ZDHHC23: variants seen among roughly 807,000 people sequenced by gnomAD.
ZDHHC23 encodes palmitoyltransferase ZDHHC23.
A neutral mutation model predicts 40.2 loss-of-function variants in ZDHHC23; 41 were observed. The observed-to-expected ratio is 1.02, with a 90% CI of 0.79 to 1.32. The LOEUF (loss-of-function observed/expected upper bound fraction) is 1.32. Ranked by LOEUF, ZDHHC23 falls within the 40% of genes most tolerant of loss-of-function variation. The pLI is 0.00. For synonymous variants in ZDHHC23, 204 were observed against 210.2 expected (o/e 0.97, Z 0.26); for missense variants, 471 against 541.5 (o/e 0.87, Z 1.29).
chr3:113,958,342 C>G, intron 4 of ZDHHC23, 21 bp from the exon 5 acceptor site: 1 of 1,583,868 alleles, frequency 6.3e-7, no homozygotes, highest in South Asian at 1.1e-5. Context: ...GCAGCCCTGA[C>G]AGCCTTTTTC....
At position 113,959,490 on chromosome 3, in the gene ZDHHC23, AT is replaced by A; in HGVS notation, c.*861del. On this transcript the variant is annotated 3_prime_UTR_variant, in exon 5 of 5. Coordinates refer to ENST00000638807, the MANE Select transcript of ZDHHC23 (RefSeq NM_001320466.2). The stretch of plus-strand genomic sequence containing the variant: ...TTATAAATAACTCCAACAGGCATTC[AT>A]GTGTTTTTCCTCTTCCCATGTTTCA... 7.8e-7 allele frequency: 1 copy of A among 1,275,558 alleles called. No individual in the cohort carries two copies. Among genetic ancestry groups the A allele is most frequent in the South Asian group, 1.3e-5 (1 of 79,926 alleles). 79.0% of individuals were successfully genotyped at this position (1,275,558 alleles called of 1,614,324 possible).
chr3:113,975,607 T>C, the ZDHHC23 span, among the ~76,000 whole-genome samples: 1 of 152,228 alleles, frequency 6.6e-6, no homozygotes, highest in African/African-American at 2.4e-5. Context: ...CAGTAAATTA[T>C]ATACTTTCAG....
rs1201530102 is a variant in ZDHHC23, at chr3:113,961,411, GA to G, written c.*2784del. 1 of 152,610 alleles carries G rather than the reference GA, an allele frequency of 6.6e-6. No homozygotes were observed. The highest frequency in any genetic ancestry group is 1.5e-5 in the Non-Finnish European group (1 of 68,060). 9.5% of individuals were successfully genotyped at this position (152,610 alleles called of 1,614,324 possible). A position where few individuals can be genotyped will look rare whatever the true frequency, so the allele number is the denominator to read the frequency against. On this transcript the variant is annotated 3_prime_UTR_variant, in exon 5 of 5. Transcript: ENST00000638807. ...GAAAGATTAAGGATCAGGATTGCAT[GA>G]AAGAAGAAAATCCTTCAATATTTAA...
At position 113,959,850 on chromosome 3, in the gene ZDHHC23, C is replaced by T; in HGVS notation, c.*1220C>T. 2.0e-6 allele frequency: 2 copies of T among 1,010,426 alleles called. No homozygotes were observed. The highest frequency in any genetic ancestry group is 2.4e-6 in the Non-Finnish European group (2 of 842,422). The allele number at this position is 1,010,426 out of a possible 1,614,324, so 62.6% of individuals were successfully genotyped here. A position where few individuals can be genotyped will look rare whatever the true frequency, so the allele number is the denominator to read the frequency against. On this transcript the variant is annotated 3_prime_UTR_variant, in exon 5 of 5. Transcript: ENST00000638807. ...TGTGGTTTCCACTATTAATGGATTA[C>T]TGTTCTTCCCTGGCTCTTCCGACAA...
At chr3:113,969,166 C>T (rs542008334), downstream of ZDHHC23, among the ~76,000 whole-genome samples, 12 of 152,326 alleles carry the variant, frequency 7.9e-5, no homozygotes, top group East Asian at 1.9e-3. Flanking sequence ...AGCAATCCAT[C>T]TCCATGACCC....
rs767083235 is a variant in ZDHHC23 at position 113,960,692 on chromosome 3, A to AT, written c.*2070dup. 19 of 1,605,452 alleles carry AT rather than the reference A, an allele frequency of 1.2e-5. No individual in the cohort carries two copies. Among genetic ancestry groups the AT allele is most frequent in the South Asian group, 7.8e-5 (7 of 89,602 alleles). ...TTTGGGAGAATTAGGAATGATGACA[A>AT]TTTTTTTTAACAACTTACCTCTAAT... On this transcript the variant is annotated 3_prime_UTR_variant, in exon 5 of 5. Coordinates refer to ENST00000638807, the MANE Select transcript of ZDHHC23 (RefSeq NM_001320466.2).
intron 3 of ZDHHC23, among the ~76,000 whole-genome samples, chr3:113,954,964 G>A (rs1246432036): frequency 6.6e-6 from 1 of 152,102 alleles, no homozygotes; most frequent in Non-Finnish European, 1.5e-5. Context: ...CCTGCCAGTT[G>A]GCCAGTAACA....
chr3:113,967,150 T>C (rs1185347440), downstream of ZDHHC23, among the ~76,000 whole-genome samples: 1 of 152,086 alleles, frequency 6.6e-6, no homozygotes, highest in Non-Finnish European at 1.5e-5. Flanking sequence ...ATGGATTTAC[T>C]TCATTGCTTG....
chr3:113,958,834 C>A lies in ZDHHC23; in HGVS notation c.*204C>A. ...TTATACTGAGGCAGTAAAAGTAGAG[C>A]CATTCCTTTCCAGTCACCTTTTTAA... On this transcript the variant is annotated 3_prime_UTR_variant, in exon 5 of 5. Coordinates refer to ENST00000638807, the MANE Select transcript of ZDHHC23 (RefSeq NM_001320466.2). The A allele has an allele frequency of 2.2e-6, 3 of 1,394,164 alleles. No homozygotes were observed. The highest frequency in any genetic ancestry group is 1.2e-5 in the South Asian group (1 of 82,344). The allele number at this position is 1,394,164 out of a possible 1,614,324, so 86.4% of individuals were successfully genotyped here.
At position 113,960,711 on chromosome 3, in the gene ZDHHC23, C is replaced by G. The variant is rs200004150; in HGVS notation, c.*2081C>G. On this transcript the variant is annotated 3_prime_UTR_variant, in exon 5 of 5. Coordinates refer to ENST00000638807, the MANE Select transcript of ZDHHC23 (RefSeq NM_001320466.2). ...ATGACAATTTTTTTTAACAACTTAC[C>G]TCTAATAGGGTTACTTGGATGAGCC... is the stretch of plus-strand genomic sequence containing the variant. 26 of 1,603,166 alleles carry G rather than the reference C, an allele frequency of 1.6e-5. No individual in the cohort carries two copies. The East Asian group carries it at 5.7e-4, about 35-fold the overall frequency.
chr3:113,965,314 T>C (rs1249211005), downstream of ZDHHC23: 1 of 1,610,420 alleles, frequency 6.2e-7, no homozygotes, highest in Non-Finnish European at 8.5e-7. Context: ...CTTTCATAAA[T>C]TTTACAAACT....
chr3:113,957,519 C>T, intron 4 of ZDHHC23: 1 of 371,138 alleles, frequency 2.7e-6, no homozygotes, highest in South Asian at 2.0e-5. Flanking sequence ...CATGTCTGTG[C>T]ACTCTCGGTG....
Position 113,954,090 on chromosome 3 carries a change from C to T in ZDHHC23, c.552C>T (p.Ala184=). 1 of 1,614,214 alleles carries T rather than the reference C, an allele frequency of 6.2e-7. No individual in the cohort carries two copies. Among genetic ancestry groups the T allele is most frequent in the Non-Finnish European group, 8.5e-7 (1 of 1,180,052 alleles). ...GCGGGTTATTTCTGATACTCTTAGCCTTGCACAGAGCCAAGAAGAATCCAG... is the reference window on the plus strand; with the variant it reads ...GCGGGTTATTTCTGATACTCTTAGCTTTGCACAGAGCCAAGAAGAATCCAG... The part of the protein sequence containing the change: ...LTCGLFLILL[A]LHRAKKNPGY... Residue 184 remains alanine (A), a synonymous_variant, in exon 3 of 5, where the codon GCC becomes GCT. Coordinates refer to ENST00000638807, the MANE Select transcript of ZDHHC23 (RefSeq NM_001320466.2).
chr3:113,966,104 G>A (rs573591195), downstream of ZDHHC23, among the ~76,000 whole-genome samples: 2 of 152,242 alleles, frequency 1.3e-5, no homozygotes, highest in Admixed American at 6.5e-5. Flanking sequence ...GGAAAATTGC[G>A]TGCAGAATGT....
At chr3:113,957,121 T>G (rs936571553) in intron 4 of ZDHHC23, among the ~76,000 whole-genome samples, 30 of 152,200 alleles carry the variant, frequency 2.0e-4, no homozygotes, top group African/African-American at 7.2e-4. Context: ...CATGGCAAAA[T>G]TTGGGATTCT....
chr3:113,965,098 G>A (rs1249206887), downstream of ZDHHC23: 2 of 1,050,076 alleles, frequency 1.9e-6, no homozygotes, highest in African/African-American at 3.2e-5. Context: ...GGTGGGTGGA[G>A]ATAACACACA....
rs933709076 is a variant in ZDHHC23, at chr3:113,960,444, A to G, written c.*1814A>G. The G allele has an allele frequency of 7.4e-7, 1 of 1,349,992 alleles. No homozygotes were observed. Among genetic ancestry groups the G allele is most frequent in the African/African-American group, 1.5e-5 (1 of 64,964 alleles). 83.6% of individuals were successfully genotyped at this position (1,349,992 alleles called of 1,614,324 possible). ...ACAAATTTCTTTCTATACAGGTTTT[A>G]CATAAGAGAGACAGTAATAATGTCA... On this transcript the variant is annotated 3_prime_UTR_variant, in exon 5 of 5. Transcript: ENST00000638807.
chr3:113,961,108 C>A lies in ZDHHC23; in HGVS notation c.*2478C>A. 1 of 195,544 alleles carries A rather than the reference C, an allele frequency of 5.1e-6. No individual in the cohort carries two copies. The highest frequency in any genetic ancestry group is 1.0e-5 in the Non-Finnish European group (1 of 97,256). 12.1% of individuals were successfully genotyped at this position (195,544 alleles called of 1,614,324 possible). A position where few individuals can be genotyped will look rare whatever the true frequency, so the allele number is the denominator to read the frequency against. ...AAGGACAAGGCCTCTGTGAATGAAT[C>A]AGTCCCAGGGAAGCATTTGGTGGTG... On this transcript the variant is annotated 3_prime_UTR_variant, in exon 5 of 5. Transcript: ENST00000638807.
chr3:113,978,200 C>T, the ZDHHC23 span: 48 of 1,613,870 alleles, frequency 3.0e-5, 2 homozygotes, highest in South Asian at 2.0e-4. Context: ...CACTGTGCTC[C>T]GCTGCAATCT....
Sources: gnomAD v4.1 joint callset for allele counts (sites outside exome capture counted in the v4.1 genomes callset) on GRCh38, gnomAD v4.1.1 for gene constraint, MANE v1.5 for transcripts, NCBI Gene and HGNC (gene_info 2026-07-23, HGNC 2026-07-21) for gene names.